Variants in ZNF740 observed in about 807,000 individuals in gnomAD.
ZNF740 encodes zinc finger protein 740.
In ZNF740, 14 loss-of-function variants were observed where a neutral mutation model predicts 24.8. That is an observed-to-expected ratio of 0.56 (90% CI 0.37 to 0.88). The LOEUF (loss-of-function observed/expected upper bound fraction) is 0.88, where lower values mean the gene tolerates loss of function less well. Ranked by LOEUF, ZNF740 falls within the 40% of genes least tolerant of loss-of-function variation. The pLI, the probability that ZNF740 is intolerant of heterozygous loss-of-function variation, is 0.00. For synonymous variants in ZNF740, 69 were observed against 84.0 expected (o/e 0.82, Z 0.98); for missense variants, 201 against 247.9 (o/e 0.81, Z 1.27).
intron 1 of ZNF740, chr12:53,181,406 T>G (rs1046729720): frequency 7.1e-6 from 7 of 985,316 alleles, no homozygotes; most frequent in Non-Finnish European, 8.4e-6. Context: ...CTCCGCCCCC[T>G]TCTTCCATTC....
chr12:53,180,840 A>G lies in ZNF740; in HGVS notation c.-308+3A>G. ...CAGCGGGAGGCCGCGCCTGGCAGGT[A>G]GGAGCAAGCCCCAAAGACCGCAGCG... On this transcript the variant is annotated splice_donor_region_variant and intron_variant, in intron 1 of 6. Coordinates refer to ENST00000416904, the MANE Select transcript of ZNF740 (RefSeq NM_001004304.4). The G allele has an allele frequency of 7.9e-7, 1 of 1,269,894 alleles. No individual in the cohort carries two copies. The highest frequency in any genetic ancestry group is 1.3e-5 in the South Asian group (1 of 78,844). The allele number at this position is 1,269,894 out of a possible 1,614,324, so 78.7% of individuals were successfully genotyped here.
At position 53,189,575 on chromosome 12, in the gene ZNF740, C is replaced by CTGTGTTTTGGGGA. The variant is rs1941888681; in HGVS notation, c.*1985_*1986insTGTGTTTTGGGGA. On this transcript the variant is annotated 3_prime_UTR_variant, in exon 7 of 7. Coordinates refer to ENST00000416904, the MANE Select transcript of ZNF740 (RefSeq NM_001004304.4). ...AGCATCTGAGATCCTTTTGGGGAGA[C>CTGTGTTTTGGGGA]GCTGAGGAGTGTTTGCTGCCATGTA... The CTGTGTTTTGGGGA allele has an allele frequency of 6.6e-6, 1 of 152,094 alleles. No individual in the cohort carries two copies. The highest frequency in any genetic ancestry group is 1.5e-5 in the Non-Finnish European group (1 of 68,046). 9.4% of individuals were successfully genotyped at this position (152,094 alleles called of 1,614,324 possible). A position where few individuals can be genotyped will look rare whatever the true frequency, so the allele number is the denominator to read the frequency against.
At position 53,187,730 on chromosome 12, in the gene ZNF740, C is replaced by T. The variant is rs779166340; in HGVS notation, c.*140C>T. ...GTGGACCCAGGAGACCAGAAGAGTG[C>T]ATCAGGGGACAGTGGCCCCAGAACC... On this transcript the variant is annotated 3_prime_UTR_variant, in exon 7 of 7. Transcript: ENST00000416904. 5.4e-5 allele frequency: 35 copies of T among 651,318 alleles called. No individual in the cohort carries two copies. The highest frequency in any genetic ancestry group is 8.5e-5 in the Non-Finnish European group (31 of 365,950). 40.3% of individuals were successfully genotyped at this position (651,318 alleles called of 1,614,324 possible).
Position 53,189,800 on chromosome 12 carries a change from C to T in ZNF740, c.*2210C>T, listed in dbSNP as rs1941894224. 6.6e-6 allele frequency: 1 copy of T among 152,178 alleles called. No homozygotes were observed. Among genetic ancestry groups the T allele is most frequent in the Non-Finnish European group, 1.5e-5 (1 of 68,040 alleles). The allele number at this position is 152,178 out of a possible 1,614,324, so 9.4% of individuals were successfully genotyped here. On this transcript the variant is annotated 3_prime_UTR_variant, in exon 7 of 7. Transcript: ENST00000416904. ...ATGATTCACCCCACATCTTCCAGTACCCTGTAAACCATTTTAAAATATTTA... is the reference window on the plus strand; with the variant it reads ...ATGATTCACCCCACATCTTCCAGTATCCTGTAAACCATTTTAAAATATTTA...
At chr12:53,186,358 C>G (rs1195813873) in intron 5 of ZNF740, 33 bp from the exon 6 acceptor site, 1 of 1,530,056 alleles carries the variant, frequency 6.5e-7, no homozygotes, top group Non-Finnish European at 8.9e-7. Context: ...GTACATACCT[C>G]CCCACATTCA....
chr12:53,184,955 A>T lies in ZNF740; in HGVS notation c.74A>T (p.Lys25Met), dbSNP rs1447582542. 2 of 1,613,940 alleles carry T rather than the reference A, an allele frequency of 1.2e-6. No homozygotes were observed. Among genetic ancestry groups the T allele is most frequent in the East Asian group, 2.2e-5 (1 of 44,900 alleles). The change falls in exon 3 of 7, where the codon AAG becomes ATG. Residue 25 changes from lysine (K) to methionine (M), a missense_variant. Coordinates refer to ENST00000416904, the MANE Select transcript of ZNF740 (RefSeq NM_001004304.4). ...VSLVPTAASK[K>M]MMLSQIASKQ... ...TTGGTTCCCACTGCAGCCAGCAAGA[A>T]GATGATGCTGAGCCAGATTGCCAGC...
chr12:53,185,186 T>G lies in ZNF740; in HGVS notation c.159+146T>G, dbSNP rs761966634. The G allele has an allele frequency of 6.2e-5, 85 of 1,367,688 alleles. No individual in the cohort carries two copies. The Middle Eastern group carries it at 1.2e-3, about 20-fold the overall frequency. The allele number at this position is 1,367,688 out of a possible 1,614,324, so 84.7% of individuals were successfully genotyped here. On this transcript the variant is annotated intron_variant, in intron 3 of 6. Coordinates refer to ENST00000416904, the MANE Select transcript of ZNF740 (RefSeq NM_001004304.4). Reference sequence around the variant, plus strand: ...CTGGGGAATGGATGAACATTGGTATTTCAGAAAGCTAAGGAAGGTCTTTTG... The same window carrying G: ...CTGGGGAATGGATGAACATTGGTATGTCAGAAAGCTAAGGAAGGTCTTTTG...
chr12:53,192,183 C>G lies in ZNF740; in HGVS notation c.*4593C>G. 2 of 1,194,536 alleles carry G rather than the reference C, an allele frequency of 1.7e-6. No individual in the cohort carries two copies. The highest frequency in any genetic ancestry group is 2.4e-6 in the Non-Finnish European group (2 of 847,162). 74.0% of individuals were successfully genotyped at this position (1,194,536 alleles called of 1,614,324 possible). On this transcript the variant is annotated 3_prime_UTR_variant, in exon 7 of 7. Coordinates refer to ENST00000416904, the MANE Select transcript of ZNF740 (RefSeq NM_001004304.4). ...CACCGCCCAGGGCCTTAGCCTCGTC[C>G]ACTTGCTCAATTGCCTCTGCCTTTG...
rs1330911802 is a variant in ZNF740 at position 53,192,237 on chromosome 12, C to T, written c.*4647C>T. ...TGGATTCACAGTTCTGCTTCAGCCC[C>T]CAGCCTGTTTCCCATTATCTTCACT... On this transcript the variant is annotated 3_prime_UTR_variant, in exon 7 of 7. Coordinates refer to ENST00000416904, the MANE Select transcript of ZNF740 (RefSeq NM_001004304.4). The T allele has an allele frequency of 2.2e-6, 3 of 1,390,440 alleles. No individual in the cohort carries two copies. Among genetic ancestry groups the T allele is most frequent in the Non-Finnish European group, 3.0e-6 (3 of 994,204 alleles). The allele number at this position is 1,390,440 out of a possible 1,614,324, so 86.1% of individuals were successfully genotyped here.
intron 4 of ZNF740, 30 bp downstream of exon 4, chr12:53,185,506 T>C (rs777820345): frequency 1.3e-6 from 2 of 1,580,508 alleles, no homozygotes; most frequent in South Asian, 2.2e-5. Context: ...CCCAAACTCA[T>C]ACAGTTTGGT....
At chr12:53,181,340 T>TCTA (rs1222011782) in intron 1 of ZNF740, 1 of 985,284 alleles carries the variant, frequency 1.0e-6, no homozygotes, top group African/African-American at 1.7e-5. Context: ...TCTTGCCGCC[T>TCTA]CTGTAAAGTG....
chr12:53,185,626 CT>C, intron 4 of ZNF740, 150 bp downstream of exon 4: 1 of 760,680 alleles, frequency 1.3e-6, no homozygotes, highest in Non-Finnish European at 2.1e-6. Context: ...CATCCAGAGA[CT>C]ACCTTGGTAG....
In ZNF740 at chr12:53,189,266, C is replaced by G. The variant is rs371584224; in HGVS notation, c.*1676C>G. Reference sequence around the variant, plus strand: ...GGAAGTTTTGGGGTTTGGTTGACCCCCACTGTAACCTGACCTGACCTGTGG... The same window carrying G: ...GGAAGTTTTGGGGTTTGGTTGACCCGCACTGTAACCTGACCTGACCTGTGG... On this transcript the variant is annotated 3_prime_UTR_variant, in exon 7 of 7. Coordinates refer to ENST00000416904, the MANE Select transcript of ZNF740 (RefSeq NM_001004304.4). 1.3e-5 allele frequency: 2 copies of G among 152,178 alleles called. No individual in the cohort carries two copies. Among genetic ancestry groups the G allele is most frequent in the South Asian group, 4.2e-4 (2 of 4,816 alleles). The allele number at this position is 152,178 out of a possible 1,614,324, so 9.4% of individuals were successfully genotyped here.
Position 53,187,487 on chromosome 12 carries a change from C to G in ZNF740, c.493-14C>G. The G allele has an allele frequency of 6.2e-7, 1 of 1,612,884 alleles. No individual in the cohort carries two copies. The highest frequency in any genetic ancestry group is 8.5e-7 in the Non-Finnish European group (1 of 1,178,988). ...TTTGTCTGCTCAGGCACTTAACCCTCCCTTTCTTCTCAGTGTTTTTCTCGG... is the reference window on the plus strand; with the variant it reads ...TTTGTCTGCTCAGGCACTTAACCCTGCCTTTCTTCTCAGTGTTTTTCTCGG... On this transcript the variant is annotated splice_polypyrimidine_tract_variant and intron_variant, in intron 6 of 6. Coordinates refer to ENST00000416904, the MANE Select transcript of ZNF740 (RefSeq NM_001004304.4).
At position 53,191,773 on chromosome 12, in the gene ZNF740, G is replaced by A. The variant is rs751970636; in HGVS notation, c.*4183G>A. On this transcript the variant is annotated 3_prime_UTR_variant, in exon 7 of 7. Coordinates refer to ENST00000416904, the MANE Select transcript of ZNF740 (RefSeq NM_001004304.4). ...GAGGGGTTGGTTACATGTGCCAGGG[G>A]CTGGGGGAACCCAGTGGGAGGAATC... is the stretch of plus-strand genomic sequence containing the variant. 15 of 1,577,666 alleles carry A rather than the reference G, an allele frequency of 9.5e-6. No individual in the cohort carries two copies. In the South Asian group the frequency reaches 1.7e-4, roughly 18 times the overall value.
rs1008957370 is a variant in ZNF740, at chr12:53,181,485, G to C, written c.-307-192G>C. The stretch of plus-strand genomic sequence containing the variant: ...TCCATAGGAGGCCCCAATTACTTTT[G>C]CTCCTGTTGGCTTCCACTCCTTGCC... On this transcript the variant is annotated intron_variant, in intron 1 of 6. Transcript: ENST00000416904. The C allele has an allele frequency of 9.9e-5, 98 of 985,188 alleles. 1 individual carries two copies. In the Middle Eastern group the frequency reaches 2.6e-3, roughly 26 times the overall value. The allele number at this position is 985,188 out of a possible 1,614,324, so 61.0% of individuals were successfully genotyped here.
chr12:53,185,474 AAGGC>A lies in ZNF740; in HGVS notation c.249+2_249+5del. On this transcript the variant is annotated splice_donor_variant and coding_sequence_variant, in exon 4 of 7. Transcript: ENST00000416904. LOFTEE classifies it high-confidence loss of function. ...CTCTCATTCAAAAAAGACTGTTAAA[AAGGC>A]AGGTAATGGGGTGATCCCCCAAACT... The A allele has an allele frequency of 6.2e-7, 1 of 1,613,702 alleles. No homozygotes were observed. Among genetic ancestry groups the A allele is most frequent in the South Asian group, 1.1e-5 (1 of 91,064 alleles).
intron 5 of ZNF740, 44 bp from the exon 6 acceptor site, chr12:53,186,347 T>C (rs3814778): frequency 0.12 from 180,877 of 1,503,432 alleles, 19,571 homozygotes; most frequent in African/African-American, 0.55. Context: ...AGGTCCCTAC[T>C]GTACATACCT....
At chr12:53,186,120 C>T (rs1272498148) in intron 5 of ZNF740, 43 bp downstream of exon 5, 12 of 1,588,110 alleles carry the variant, frequency 7.6e-6, no homozygotes, top group East Asian at 4.5e-5. Context: ...AATAGTCTAT[C>T]GCTTGTATTC....
Sources: gnomAD v4.1 joint callset for allele counts on GRCh38, gnomAD v4.1.1 for gene constraint, MANE v1.5 for transcripts, NCBI Gene and HGNC (gene_info 2026-07-23, HGNC 2026-07-21) for gene names.